TOR1AIP2: variants seen among roughly 807,000 people sequenced by gnomAD.
TOR1AIP2 encodes torsin-1A-interacting protein 2.
A neutral mutation model predicts 32.6 loss-of-function variants in TOR1AIP2; 20 were observed. The ratio of observed to expected loss-of-function variants is 0.61; its 90% CI spans 0.43 to 0.89. The LOEUF (loss-of-function observed/expected upper bound fraction) is 0.89, where lower values mean the gene tolerates loss of function less well. Among genes scored for constraint, TOR1AIP2 ranks in the 40% least tolerant of loss-of-function variants. TOR1AIP2 has a pLI of 0.00. For missense variants in TOR1AIP2, 456 were observed against 553.8 expected (o/e 0.82, Z 1.77); for synonymous variants, 214 against 210.8 (o/e 1.02, Z -0.13).
At chr1:179,855,670 A>G (rs1304052740) in intron 3 of TOR1AIP2, among the ~76,000 whole-genome samples, 1 of 152,228 alleles carries the variant, frequency 6.6e-6, no homozygotes, top group Non-Finnish European at 1.5e-5. Flanking sequence ...TCTACAAATC[A>G]GCAACTCCAT....
chr1:179,846,588 G>A lies in TOR1AIP2; in HGVS notation c.896C>T (p.Thr299Ile). 6.2e-7 allele frequency: 1 copy of A among 1,614,198 alleles called. No individual in the cohort carries two copies. Among genetic ancestry groups the A allele is most frequent in the Non-Finnish European group, 8.5e-7 (1 of 1,180,044 alleles). Residue 299 changes from threonine (T) to isoleucine (I), a missense_variant, in exon 7 of 7, where the codon ACA becomes ATA. Transcript: ENST00000609928. ...GGTCTCTCTTCCCTCCCGAGCTGCT[G>A]TAAATATGATGGTGGCTGGCTCAGT... ...NPTEPATIIFTAAREGRETLK... is the reference protein window; with the variant it reads ...NPTEPATIIFIAAREGRETLK...
At position 179,850,997 on chromosome 1, in the gene TOR1AIP2, C is replaced by G; in HGVS notation, c.401G>C (p.Ser134Thr). The change falls in exon 5 of 7, where the codon AGC (serine) becomes ACC (threonine). Residue 134 changes from serine to threonine, a missense_variant. Physicochemically the swap from Ser to Thr is moderately conservative, Grantham distance 58. Transcript: ENST00000609928. ...KVGRADAHLG[S>T]SSVALPKEAS... The stretch of plus-strand genomic sequence containing the variant: ...TTCCTTAGGGAGGGCCACAGAGCTG[C>G]TCCCTAAGTGTGCATCTGCTCTTCC... 2 of 1,614,194 alleles carry G rather than the reference C, an allele frequency of 1.2e-6. No individual in the cohort carries two copies. The highest frequency in any genetic ancestry group is 1.7e-6 in the Non-Finnish European group (2 of 1,180,034).
At position 179,840,411 on chromosome 1, in the gene TOR1AIP2, A is replaced by G. The variant is rs1695683969; in HGVS notation, c.*5660T>C. 6.6e-6 allele frequency: 1 copy of G among 152,234 alleles called. No individual in the cohort carries two copies. Among genetic ancestry groups the G allele is most frequent in the Non-Finnish European group, 1.5e-5 (1 of 68,044 alleles). 9.4% of individuals were successfully genotyped at this position (152,234 alleles called of 1,614,324 possible). A position where few individuals can be genotyped will look rare whatever the true frequency, so the allele number is the denominator to read the frequency against. ...TTGGTTCATGTAACTGCGCTTAGCC[A>G]AAGGCAAATTTAGTTTATAAGCCTC... On this transcript the variant is annotated 3_prime_UTR_variant, in exon 7 of 7. Coordinates refer to ENST00000609928, the MANE Select transcript of TOR1AIP2 (RefSeq NM_001199260.2).
At chr1:179,850,772 C>T in intron 5 of TOR1AIP2, 73 bp downstream of exon 5, 1 of 1,514,874 alleles carries the variant, frequency 6.6e-7, no homozygotes, top group Non-Finnish European at 8.9e-7. Context: ...GGAAAGAAGG[C>T]CTCTGACTTC....
chr1:179,865,120 T>C, intron 3 of TOR1AIP2: 1 of 1,613,710 alleles, frequency 6.2e-7, no homozygotes, highest in Non-Finnish European at 8.5e-7. Context: ...GGCCTAGTTC[T>C]AAACTAGGGA....
chr1:179,846,764 G>A lies in TOR1AIP2; in HGVS notation c.720C>T (p.Ser240=). The A allele has an allele frequency of 6.2e-7, 1 of 1,613,662 alleles. No homozygotes were observed. Among genetic ancestry groups the A allele is most frequent in the Non-Finnish European group, 8.5e-7 (1 of 1,179,928 alleles). Residue 240 remains serine, a synonymous_variant, in exon 7 of 7, where the codon TCC becomes TCT. Transcript: ENST00000609928. ...TTTTGGGCACTTGCTGGGCTGGAGA[G>A]GAATAGTAGCTATTCACAGAACTTG... The part of the protein sequence containing the change: ...VVASSVNSYY[S]SPAQQVPKNP...
chr1:179,864,965 TCAAGTGGGAAAG>T, intron 3 of TOR1AIP2: 5 of 1,613,994 alleles, frequency 3.1e-6, no homozygotes, highest in Non-Finnish European at 4.2e-6. Context: ...GGGAGCCCAC[TCAAGTGGGAAAG>T]ACCAAGGAAG....
chr1:179,855,852 A>C (rs967665952), intron 3 of TOR1AIP2, among the ~76,000 whole-genome samples: 2 of 152,240 alleles, frequency 1.3e-5, no homozygotes, highest in East Asian at 3.8e-4. Flanking sequence ...AAAATAAATT[A>C]GGTTATCTTT....
chr1:179,875,476 C>T (rs534020911), intron 2 of TOR1AIP2: 1 of 152,264 alleles, frequency 6.6e-6, no homozygotes, highest in Non-Finnish European at 1.5e-5. Context: ...AAAGGCAAAA[C>T]CAGACAGCTT....
intron 2 of TOR1AIP2, among the ~76,000 whole-genome samples, chr1:179,869,704 T>C (rs1696936122): frequency 6.6e-6 from 1 of 152,202 alleles, no homozygotes; most frequent in Non-Finnish European, 1.5e-5. Flanking sequence ...CTAATGGTTG[T>C]ACAAAAGAGG....
intron 3 of TOR1AIP2, chr1:179,861,890 T>C: frequency 2.1e-6 from 2 of 932,516 alleles, no homozygotes; most frequent in Non-Finnish European, 1.3e-6. Flanking sequence ...AAAGAGACAG[T>C]GGTCTGACTA....
At chr1:179,854,796 G>A (rs1469370269) in intron 3 of TOR1AIP2, among the ~76,000 whole-genome samples, 1 of 152,118 alleles carries the variant, frequency 6.6e-6, no homozygotes, top group Non-Finnish European at 1.5e-5. Flanking sequence ...GTTTGAACCC[G>A]GGAGGCAGAG....
intron 3 of TOR1AIP2, chr1:179,864,235 G>A (rs2148447431): frequency 2.0e-6 from 2 of 985,440 alleles, no homozygotes; most frequent in Non-Finnish European, 2.4e-6. Flanking sequence ...CAGGGCCAAT[G>A]ATGAATAAAT....
At chr1:179,858,217 C>CTA (rs940842018) in intron 3 of TOR1AIP2, among the ~76,000 whole-genome samples, 1 of 151,888 alleles carries the variant, frequency 6.6e-6, no homozygotes, top group African/African-American at 2.4e-5. Flanking sequence ...ATATTTGATA[C>CTA]TAATGAAGGT....
At position 179,851,082 on chromosome 1, in the gene TOR1AIP2, C is replaced by G; in HGVS notation, c.316G>C (p.Glu106Gln). ...DGGKGHHLPS[E>Q]NLGKEPLDPD... Reference sequence around the variant, plus strand: ...TCCAAGGGTTCTTTACCCAGATTTTCTGAAGGGAGGTGATGCCCTTTTCCG... The same window carrying G: ...TCCAAGGGTTCTTTACCCAGATTTTGTGAAGGGAGGTGATGCCCTTTTCCG... Residue 106 changes from glutamate (E) to glutamine (Q), a missense_variant, in exon 5 of 7, where the codon GAA becomes CAA. Glu to Gln is a conservative substitution (Grantham distance 29). Transcript: ENST00000609928. The G allele has an allele frequency of 6.2e-7, 1 of 1,614,238 alleles. No homozygotes were observed. The highest frequency in any genetic ancestry group is 2.2e-5 in the East Asian group (1 of 44,886).
Position 179,865,740 on chromosome 1 carries a change from T to TA in TOR1AIP2, c.-452_-451insT, listed in dbSNP as rs1316132797. 2.0e-5 allele frequency: 3 copies of TA among 152,702 alleles called. No individual in the cohort carries two copies. The highest frequency in any genetic ancestry group is 4.8e-5 in the African/African-American group (2 of 41,424). The allele number at this position is 152,702 out of a possible 1,614,324, so 9.5% of individuals were successfully genotyped here. On this transcript the variant is annotated 5_prime_UTR_variant, in exon 3 of 7. It removes the in-frame stop codon of an upstream open reading frame in the 5' UTR. Transcript: ENST00000609928. ...GAGGGGTCAGAAAAACCTGGCAGAG[T>TA]CCTCTTGATCGTGGATCCAATGAAG... is the stretch of plus-strand genomic sequence containing the variant.
chr1:179,858,562 TAATAA>T (rs1294466838), intron 3 of TOR1AIP2, among the ~76,000 whole-genome samples: 5 of 152,188 alleles, frequency 3.3e-5, no homozygotes, highest in Admixed American at 3.3e-4. Flanking sequence ...TTTAAATGAG[TAATAA>T]AATAAATCAG....
At chr1:179,856,180 G>GA (rs1192739022) in intron 3 of TOR1AIP2, among the ~76,000 whole-genome samples, 13 of 150,644 alleles carry the variant, frequency 8.6e-5, no homozygotes, top group Admixed American at 2.0e-4. Flanking sequence ...TCTCAAAAAA[G>GA]AAAAAAAAAT....
At chr1:179,864,682 G>C (rs1696694631) in intron 3 of TOR1AIP2, 1 of 1,494,836 alleles carries the variant, frequency 6.7e-7, no homozygotes, top group Non-Finnish European at 8.9e-7. Context: ...CCAAAGTAGT[G>C]ACAATCTGGG....
Sources: gnomAD v4.1 joint callset for allele counts (sites outside exome capture counted in the v4.1 genomes callset) on GRCh38, gnomAD v4.1.1 for gene constraint, MANE v1.5 for transcripts, NCBI Gene and HGNC (gene_info 2026-07-23, HGNC 2026-07-21) for gene names.